SORCS1: variants seen among roughly 807,000 people sequenced by gnomAD.
SORCS1 encodes the protein sortilin related VPS10 domain containing receptor 1, also known as VPS10 domain-containing receptor SorCS1.
Under a neutral mutation model 146.1 loss-of-function variants are expected in SORCS1, and 60 were observed. The ratio of observed to expected loss-of-function variants is 0.41; its 90% CI spans 0.33 to 0.51. The LOEUF is 0.51. Among genes scored for constraint, SORCS1 ranks in the 20% least tolerant of loss-of-function variants. The probability of loss-of-function intolerance (pLI) is 0.21; values close to 1 mark genes in which losing one functional copy is unlikely to be tolerated. For missense variants in SORCS1, 1,352 were observed against 1,487.6 expected (o/e 0.91, Z 1.50); for synonymous variants, 637 against 584.0 (o/e 1.09, Z -1.31).
chr10:106,785,039 T>A (rs1328434682), intron 3 of SORCS1, among the ~76,000 whole-genome samples: 1 of 152,188 alleles, frequency 6.6e-6, no homozygotes, highest in Non-Finnish European at 1.5e-5. Flanking sequence ...TGTATCATCA[T>A]CCTAATGAAG....
chr10:106,913,983 T>C (rs2900714), intron 2 of SORCS1, among the ~76,000 whole-genome samples: 66,955 of 151,750 alleles, frequency 0.44, 15,378 homozygotes, highest in African/African-American at 0.57. Context: ...CCAAACCAAA[T>C]CAACCAATAC....
At chr10:106,920,569 C>A (rs1564811277) in intron 2 of SORCS1, among the ~76,000 whole-genome samples, 1 of 152,190 alleles carries the variant, frequency 6.6e-6, no homozygotes, top group Non-Finnish European at 1.5e-5. Flanking sequence ...CAGGCTGCCA[C>A]CTGCACTGCA....
chr10:107,004,422 G>A (rs1262016104), intron 1 of SORCS1, among the ~76,000 whole-genome samples: 2 of 152,152 alleles, frequency 1.3e-5, no homozygotes, highest in African/African-American at 2.4e-5. Context: ...AGCAATCATG[G>A]TGGAGAGAAA....
chr10:106,693,372 C>T (rs1853444014), intron 9 of SORCS1, among the ~76,000 whole-genome samples: 1 of 152,206 alleles, frequency 6.6e-6, no homozygotes, highest in Non-Finnish European at 1.5e-5. Context: ...GTCAGTCTGT[C>T]TAACTACAGA....
rs1004795005 is a variant in SORCS1, at chr10:106,750,517, T to C, written c.959+11071A>G. Among the ~76,000 whole-genome samples the C allele has an allele frequency of 1.0e-4, 15 of 144,044 alleles. No individual in the cohort carries two copies. The East Asian group carries it at 2.1e-3, about 20-fold the overall frequency. 94.5% of individuals were successfully genotyped at this position (144,044 alleles called of 152,430 possible). A position where few individuals can be genotyped will look rare whatever the true frequency, so the allele number is the denominator to read the frequency against. ...AGGCCGAGGCGGGCGGATTACGAGA[T>C]AGGAGATCGAGACGATCCTGGCTAA... On this transcript the variant is annotated intron_variant, in intron 5 of 25. Coordinates refer to ENST00000263054, the MANE Select transcript of SORCS1 (RefSeq NM_052918.5).
At chr10:107,083,480 G>C (rs938029231) in intron 1 of SORCS1, among the ~76,000 whole-genome samples, 3 of 152,006 alleles carry the variant, frequency 2.0e-5, no homozygotes, top group African/African-American at 7.3e-5. Context: ...ATGTTTTTAA[G>C]TTAAAACCCT....
intron 1 of SORCS1, among the ~76,000 whole-genome samples, chr10:107,156,483 A>G (rs1969292220): frequency 6.6e-6 from 1 of 152,184 alleles, no homozygotes. Context: ...GGTTATTTAT[A>G]TTATTTTTGT....
intron 20 of SORCS1, among the ~76,000 whole-genome samples, 200 bp from the exon 21 acceptor site, chr10:106,618,472 C>A (rs1847524934): frequency 6.6e-6 from 1 of 152,144 alleles, no homozygotes; most frequent in South Asian, 2.1e-4. Flanking sequence ...TGACTCCAAG[C>A]AAGTCTGCCT....
intron 18 of SORCS1, among the ~76,000 whole-genome samples, chr10:106,646,560 G>A (rs1403210268): frequency 3.3e-5 from 5 of 152,018 alleles, no homozygotes; most frequent in South Asian, 4.2e-4. Context: ...GCTGGGTGTG[G>A]TGGCATGCCC....
chr10:106,782,182 A>G (rs1479880472), intron 3 of SORCS1, among the ~76,000 whole-genome samples: 2 of 152,212 alleles, frequency 1.3e-5, no homozygotes, highest in East Asian at 3.9e-4. Context: ...ATTGTATTTT[A>G]AAGAGTTTAT....
chr10:106,821,904 A>G (rs1326525678), intron 3 of SORCS1, among the ~76,000 whole-genome samples: 2 of 152,016 alleles, frequency 1.3e-5, no homozygotes, highest in African/African-American at 4.8e-5. Flanking sequence ...CCTGGGTGAC[A>G]GAGCAAGACT....
At chr10:106,890,297 C>G (rs1337925409) in intron 2 of SORCS1, among the ~76,000 whole-genome samples, 1 of 152,044 alleles carries the variant, frequency 6.6e-6, no homozygotes, top group Non-Finnish European at 1.5e-5. Flanking sequence ...AAGATTGAAC[C>G]TTTTTTTCTA....
chr10:106,994,063 CAAAAAAAAAAAA>C (rs67408221), intron 1 of SORCS1, among the ~76,000 whole-genome samples: 9 of 80,816 alleles, frequency 1.1e-4, no homozygotes, highest in African/African-American at 3.7e-4. Context: ...GACCCCATCT[CAAAAAAAAAAAA>C]AAAAAAAAAA....
At chr10:106,977,679 C>T (rs1180741758) in intron 1 of SORCS1, among the ~76,000 whole-genome samples, 1 of 150,592 alleles carries the variant, frequency 6.6e-6, no homozygotes, top group Non-Finnish European at 1.5e-5. Context: ...ATAAAGAAAG[C>T]ACCAGTATAT....
intron 24 of SORCS1, among the ~76,000 whole-genome samples, chr10:106,594,687 G>A (rs766291654): frequency 9.9e-5 from 15 of 152,198 alleles, no homozygotes; most frequent in Non-Finnish European, 1.8e-4. Flanking sequence ...AAGGCACTGT[G>A]TTCGGATACA....
At chr10:106,936,793 C>T (rs1230993436) in intron 2 of SORCS1, among the ~76,000 whole-genome samples, 3 of 152,136 alleles carry the variant, frequency 2.0e-5, no homozygotes, top group African/African-American at 7.2e-5. Flanking sequence ...ATGCAAGGTT[C>T]AACTCTAAGG....
chr10:106,892,754 T>C (rs997764022), intron 2 of SORCS1, among the ~76,000 whole-genome samples: 7 of 152,178 alleles, frequency 4.6e-5, no homozygotes, highest in African/African-American at 1.4e-4. Flanking sequence ...TCTACATGTC[T>C]CCAGATAAAT....
chr10:106,679,776 A>G (rs1468118007), intron 10 of SORCS1, 42 bp from the exon 11 acceptor site: 2 of 1,471,874 alleles, frequency 1.4e-6, no homozygotes, highest in Non-Finnish European at 9.4e-7. Flanking sequence ...CACATAATCA[A>G]AATGGTCATT....
intron 7 of SORCS1, among the ~76,000 whole-genome samples, chr10:106,707,803 G>A (rs953242122): frequency 6.6e-6 from 1 of 151,406 alleles, no homozygotes; most frequent in South Asian, 2.1e-4. Flanking sequence ...GCACCACCAC[G>A]TCTCTCTCTC....
Sources: gnomAD v4.1 joint callset for allele counts (sites outside exome capture counted in the v4.1 genomes callset) on GRCh38, gnomAD v4.1.1 for gene constraint, MANE v1.5 for transcripts, NCBI Gene and HGNC (gene_info 2026-07-23, HGNC 2026-07-21) for gene names.